The following SOX5 variants were observed in gnomAD, a reference collection of about 807,000 sequenced individuals.
The protein encoded by SOX5 is SRY-box transcription factor 5, also known as transcription factor SOX-5.
A neutral mutation model predicts 92.0 loss-of-function variants in SOX5; 9 were observed. The observed-to-expected ratio is 0.10, with a 90% CI of 0.06 to 0.17. The LOEUF is 0.17. SOX5 is among the 10% of genes least tolerant of loss of function. SOX5 has a pLI of 1.00. For missense variants in SOX5, 642 were observed against 944.5 expected (o/e 0.68, Z 4.20); for synonymous variants, 344 against 336.3 (o/e 1.02, Z -0.25).
Position 23,721,233 on chromosome 12 carries a change from G to A in SOX5, c.810+13451C>T, listed in dbSNP as rs533840326. 3.4e-4 allele frequency among the ~76,000 whole-genome samples: 51 copies of A among 152,030 alleles called. No homozygotes were observed. The Middle Eastern group carries it at 0.014, about 41-fold the overall frequency. The stretch of plus-strand genomic sequence containing the variant: ...CCAGAGTAGCTGGGATTACAGGCAT[G>A]CGCCACCATGCCCAGCTAATTTTGT... On this transcript the variant is annotated intron_variant, in intron 6 of 14. Transcript: ENST00000451604.
At chr12:23,600,558 T>TATATATATATAC (rs1555191175) in intron 9 of SOX5, among the ~76,000 whole-genome samples, 1 of 130,364 alleles carries the variant, frequency 7.7e-6, no homozygotes, top group Non-Finnish European at 1.7e-5. Flanking sequence ...TATATACACA[T>TATATATATATAC]ACTTGGCTTG....
At chr12:23,851,591 A>T (rs911919276) in intron 2 of SOX5, among the ~76,000 whole-genome samples, 2 of 152,198 alleles carry the variant, frequency 1.3e-5, no homozygotes, top group Non-Finnish European at 2.9e-5. Context: ...TATAGTAATG[A>T]TTATGGATCA....
chr12:24,427,935 T>C (rs981181268), intron 1 of SOX5, among the ~76,000 whole-genome samples: 1 of 152,180 alleles, frequency 6.6e-6, no homozygotes, highest in Non-Finnish European at 1.5e-5. Flanking sequence ...AACCTAAATA[T>C]TGATTTTTCA....
chr12:23,710,574 C>G (rs570774261), intron 6 of SOX5, among the ~76,000 whole-genome samples: 1 of 152,266 alleles, frequency 6.6e-6, no homozygotes, highest in Admixed American at 6.5e-5. Flanking sequence ...ATGAACTCAT[C>G]CTTTTTTATG....
chr12:24,422,199 A>G (rs1379393732), intron 1 of SOX5, among the ~76,000 whole-genome samples: 1 of 152,232 alleles, frequency 6.6e-6, no homozygotes, highest in East Asian at 1.9e-4. Flanking sequence ...CCCACATATC[A>G]TGAGTAGTGT....
chr12:23,535,140 AC>A (rs549290655), intron 14 of SOX5, among the ~76,000 whole-genome samples: 6 of 152,226 alleles, frequency 3.9e-5, no homozygotes, highest in Non-Finnish European at 5.9e-5. Flanking sequence ...AAGCAGAAGA[AC>A]CCAGGTCCTT....
chr12:24,146,313 A>T (rs577118632), intron 4 of SOX5, among the ~76,000 whole-genome samples: 1 of 152,166 alleles, frequency 6.6e-6, no homozygotes, highest in Non-Finnish European at 1.5e-5. Flanking sequence ...ATAAATTAGA[A>T]ATTAATGACA....
intron 1 of SOX5, among the ~76,000 whole-genome samples, chr12:24,442,179 T>C (rs1011714925): frequency 1.3e-5 from 2 of 152,172 alleles, no homozygotes; most frequent in Non-Finnish European, 2.9e-5. Context: ...AAGAGGCAAA[T>C]TTTTGTATAT....
At chr12:23,652,183 G>T (rs184788996) in intron 7 of SOX5, among the ~76,000 whole-genome samples, 2 of 152,078 alleles carry the variant, frequency 1.3e-5, no homozygotes, top group Non-Finnish European at 2.9e-5. Flanking sequence ...AAATTTTAAT[G>T]AACATATATC....
At position 24,265,371 on chromosome 12, in the gene SOX5, G is replaced by A. The variant is rs916278001; in HGVS notation, c.-77+11845C>T. Among the ~76,000 whole-genome samples the A allele has an allele frequency of 3.8e-4, 57 of 151,932 alleles. 1 individual carries two copies. Among genetic ancestry groups the A allele is most frequent in the Non-Finnish European group, 6.0e-4 (41 of 67,996 alleles). ...AGCCTAGGCAACATGGCAACACTCCGTCTCTACAAAAAATACAAAAAAGTT... is the reference window on the plus strand; with the variant it reads ...AGCCTAGGCAACATGGCAACACTCCATCTCTACAAAAAATACAAAAAAGTT... On this transcript the variant is annotated intron_variant, in intron 3 of 4. Transcript: ENST00000446891.
intron 4 of SOX5, among the ~76,000 whole-genome samples, chr12:24,174,571 G>T (rs1954593398): frequency 6.6e-6 from 1 of 152,066 alleles, no homozygotes; most frequent in Non-Finnish European, 1.5e-5. Flanking sequence ...CTTAAGAAAA[G>T]AGAACTTTGG....
intron 3 of SOX5, among the ~76,000 whole-genome samples, chr12:23,814,782 T>A (rs886771459): frequency 1.3e-5 from 2 of 152,214 alleles, no homozygotes; most frequent in African/African-American, 4.8e-5. Flanking sequence ...ATTTCCACGC[T>A]GCATTTTAAT....
At chr12:23,996,223 T>C (rs1175156030) in intron 4 of SOX5, among the ~76,000 whole-genome samples, 1 of 152,134 alleles carries the variant, frequency 6.6e-6, no homozygotes. Flanking sequence ...TAGCTTAAAA[T>C]GTGAAGAAAG....
At chr12:24,276,607 T>C (rs1346368649) in intron 3 of SOX5, among the ~76,000 whole-genome samples, 1 of 152,180 alleles carries the variant, frequency 6.6e-6, no homozygotes, top group East Asian at 1.9e-4. Flanking sequence ...GATTTTCAAC[T>C]CTAGATCTGT....
chr12:23,933,039 AC>A (rs1387816788), intron 1 of SOX5, among the ~76,000 whole-genome samples: 1 of 151,664 alleles, frequency 6.6e-6, no homozygotes, highest in African/African-American at 2.4e-5. Flanking sequence ...ACTGATGTGT[AC>A]TTTTGTCCTG....
chr12:23,995,482 G>A (rs1243206970), intron 4 of SOX5, among the ~76,000 whole-genome samples: 1 of 152,078 alleles, frequency 6.6e-6, no homozygotes, highest in Non-Finnish European at 1.5e-5. Flanking sequence ...ATCACTTGAG[G>A]CCCAGGAGCT....
At chr12:24,354,536 G>A (rs1954551687) in intron 2 of SOX5, among the ~76,000 whole-genome samples, 1 of 152,260 alleles carries the variant, frequency 6.6e-6, no homozygotes, top group Non-Finnish European at 1.5e-5. Context: ...ATTTACTGGA[G>A]CAGAGCAGCT....
intron 2 of SOX5, among the ~76,000 whole-genome samples, chr12:24,294,499 G>A (rs1444324085): frequency 2.0e-5 from 3 of 152,118 alleles, no homozygotes; most frequent in Non-Finnish European, 4.4e-5. Flanking sequence ...TATTTCATAA[G>A]CAAATGTGAA....
chr12:23,966,995 C>T (rs1408932166), intron 4 of SOX5, among the ~76,000 whole-genome samples: 2 of 152,258 alleles, frequency 1.3e-5, no homozygotes, highest in African/African-American at 2.4e-5. Context: ...CAATGAGATG[C>T]TTTCTAGCAG....
Sources: gnomAD v4.1 joint callset for allele counts (sites outside exome capture counted in the v4.1 genomes callset) on GRCh38, gnomAD v4.1.1 for gene constraint, MANE v1.5 for transcripts, NCBI Gene and HGNC (gene_info 2026-07-23, HGNC 2026-07-21) for gene names.